The following STXBP2 variants were observed in gnomAD, a reference collection of about 807,000 sequenced individuals.
STXBP2 encodes the protein syntaxin-binding protein 2.
Under a neutral mutation model 72.2 loss-of-function variants are expected in STXBP2, and 47 were observed. The ratio of observed to expected loss-of-function variants is 0.65; its 90% CI spans 0.51 to 0.83. The LOEUF is 0.83. STXBP2 is among the 40% of genes least tolerant of loss of function. STXBP2 has a pLI of 0.00. For missense variants in STXBP2, 702 were observed against 807.6 expected (o/e 0.87, Z 1.58); for synonymous variants, 367 against 338.7 (o/e 1.08, Z -0.92).
chr19:7,632,766 T>A, upstream of STXBP2: 2 of 1,567,862 alleles, frequency 1.3e-6, no homozygotes. This position sits in a 1 kb window ranked among gnomAD's most constrained non-coding sequence, Gnocchi z 5.2. Flanking sequence ...GCGCTGTCCC[T>A]CCATCCGGTC....
chr19:7,630,476 C>A, the STXBP2 span: 1 of 996,120 alleles, frequency 1.0e-6, no homozygotes, highest in Non-Finnish European at 1.5e-6. Context: ...TAACGAGGCG[C>A]TTCTGGACTC....
At chr19:7,643,383 G>A in intron 13 of STXBP2, 138 bp downstream of exon 13, 2 of 897,838 alleles carry the variant, frequency 2.2e-6, no homozygotes, top group Non-Finnish European at 1.7e-6. Flanking sequence ...GGAGAGAGGT[G>A]GGACCTGGTG....
upstream of STXBP2, among the ~76,000 whole-genome samples, chr19:7,634,384 C>T (rs566812401): frequency 2.6e-5 from 4 of 152,200 alleles, no homozygotes; most frequent in African/African-American, 7.2e-5. Flanking sequence ...CACCTCTGCC[C>T]GAGCCTCCTC....
upstream of STXBP2, chr19:7,632,839 A>C (rs2031383602): frequency 5.8e-6 from 9 of 1,545,172 alleles, no homozygotes; most frequent in Non-Finnish European, 7.0e-6. The surrounding 1 kb of genome is among the most constrained non-coding windows in gnomAD (Gnocchi z 5.2). Flanking sequence ...GCCTGGGGAC[A>C]GACTCGCTCA....
chr19:7,642,451 G>A lies in STXBP2; in HGVS notation c.817G>A (p.Glu273Lys), dbSNP rs765370350. Residue 273 changes from glutamate to lysine, a missense_variant, in exon 10 of 19, where the codon GAG (glutamate) becomes AAG (lysine). By Grantham distance (56) the Glu-to-Lys change is moderately conservative. Transcript: ENST00000221283. This position sits in a 1 kb window ranked among gnomAD's most constrained non-coding sequence, Gnocchi z 6.0. ...TYRYETTGLSEAREKAVLLDE... is the reference protein window; with the variant it reads ...TYRYETTGLSKAREKAVLLDE... Reference sequence around the variant, plus strand: ...CAGGTATGAGACCACCGGGCTGAGCGAGGCGCGGGAGAAGGCCGTCTTGCT... The same window carrying A: ...CAGGTATGAGACCACCGGGCTGAGCAAGGCGCGGGAGAAGGCCGTCTTGCT... 13 of 1,613,866 alleles carry A rather than the reference G, an allele frequency of 8.1e-6. No homozygotes were observed. The highest frequency in any genetic ancestry group is 4.4e-5 in the South Asian group (4 of 91,086).
chr19:7,635,035 T>C (rs1403995699), upstream of STXBP2, among the ~76,000 whole-genome samples: 5 of 152,236 alleles, frequency 3.3e-5, no homozygotes, highest in African/African-American at 1.2e-4. Context: ...TCACTGCTAA[T>C]ATCTATACTA....
At chr19:7,629,901 A>C in the STXBP2 span, 1 of 1,489,834 alleles carries the variant, frequency 6.7e-7, no homozygotes, top group Non-Finnish European at 8.9e-7. Context: ...TGGGCAGGGG[A>C]TCTTCCTGGA....
chr19:7,642,422 T>C lies in STXBP2; in HGVS notation c.795-7T>C, dbSNP rs1163565684. 5.6e-6 allele frequency: 9 copies of C among 1,613,760 alleles called. No homozygotes were observed. The highest frequency in any genetic ancestry group is 7.6e-6 in the Non-Finnish European group (9 of 1,179,922). ...CCTGACCCCCAGGCTCCCTCCTTCC[T>C]CCCCAGGTATGAGACCACCGGGCTG... On this transcript the variant is annotated splice_region_variant and splice_polypyrimidine_tract_variant and intron_variant, in intron 9 of 18. Transcript: ENST00000221283. The surrounding 1 kb of genome is among the most constrained non-coding windows in gnomAD (Gnocchi z 6.0).
At chr19:7,635,898 G>A (rs2031511363), upstream of STXBP2, among the ~76,000 whole-genome samples, 5 of 152,146 alleles carry the variant, frequency 3.3e-5, no homozygotes, top group South Asian at 1.0e-3. Flanking sequence ...TCCTACAGAA[G>A]TCTGGCCCCT....
intron 1 of STXBP2, among the ~76,000 whole-genome samples, chr19:7,637,393 G>C (rs530427423): frequency 6.6e-6 from 1 of 152,252 alleles, no homozygotes; most frequent in South Asian, 2.1e-4. Flanking sequence ...CAAAATTGGG[G>C]GGCCGGACTC....
intron 6 of STXBP2, chr19:7,641,293 C>T (rs921737855): frequency 9.8e-6 from 5 of 510,550 alleles, no homozygotes; most frequent in Non-Finnish European, 1.4e-5. Context: ...TCGCTTGAGC[C>T]CGGGAGGTCG....
In STXBP2 at chr19:7,642,128, C is replaced by T. The variant is rs375337142; in HGVS notation, c.663+10C>T. On this transcript the variant is annotated intron_variant, in intron 8 of 18. Transcript: ENST00000221283. The surrounding 1 kb of genome is among the most constrained non-coding windows in gnomAD (Gnocchi z 6.0). ...TCCCAGTCTGGGCGAGGTGAGGGGG[C>T]GTGCTTGGGAGGTGAGGGGCAGCCC... 6.8e-6 allele frequency: 11 copies of T among 1,613,900 alleles called. No individual in the cohort carries two copies. Among genetic ancestry groups the T allele is most frequent in the African/African-American group, 2.7e-5 (2 of 74,882 alleles).
upstream of STXBP2, chr19:7,632,367 C>A: frequency 6.2e-7 from 1 of 1,612,856 alleles, no homozygotes. The surrounding 1 kb of genome is among the most constrained non-coding windows in gnomAD (Gnocchi z 5.2). Context: ...CGGGTTTCTC[C>A]TCGACATCGC....
At chr19:7,645,417 G>A in intron 15 of STXBP2, 111 bp downstream of exon 15, 3 of 1,127,168 alleles carry the variant, frequency 2.7e-6, no homozygotes, top group Non-Finnish European at 2.6e-6. Context: ...TCCTGGCGTG[G>A]TGTGGTTGCT....
At position 7,642,585 on chromosome 19, in the gene STXBP2, C is replaced by T. The variant is rs1289732563; in HGVS notation, c.902+49C>T. On this transcript the variant is annotated intron_variant, in intron 10 of 18. Coordinates refer to ENST00000221283, the MANE Select transcript of STXBP2 (RefSeq NM_006949.4). This position sits in a 1 kb window ranked among gnomAD's most constrained non-coding sequence, Gnocchi z 6.0. ...CCCCCCCCCACCGCCCACTGTGGGC[C>T]TGGTAGCGGCCTTGGGATCCCTGGC... 1 of 1,596,676 alleles carries T rather than the reference C, an allele frequency of 6.3e-7. No homozygotes were observed. The highest frequency in any genetic ancestry group is 8.6e-7 in the Non-Finnish European group (1 of 1,164,556).
intron 1 of STXBP2, among the ~76,000 whole-genome samples, chr19:7,637,836 CG>C (rs1344158889): frequency 6.6e-6 from 1 of 152,210 alleles, no homozygotes; most frequent in Non-Finnish European, 1.5e-5. Flanking sequence ...CGTGGCTGGG[CG>C]GGGCCACCCC....
At position 7,639,932 on chromosome 19, in the gene STXBP2, G is replaced by A. The variant is rs1568464267; in HGVS notation, c.246+125G>A. 10 of 419,140 alleles carry A rather than the reference G, an allele frequency of 2.4e-5. 1 individual carries two copies. The East Asian group carries it at 3.0e-4, about 13-fold the overall frequency. The allele number at this position is 419,140 out of a possible 1,614,324, so 26.0% of individuals were successfully genotyped here. A position where few individuals can be genotyped will look rare whatever the true frequency, so the allele number is the denominator to read the frequency against. On this transcript the variant is annotated intron_variant, in intron 4 of 18. Coordinates refer to ENST00000221283, the MANE Select transcript of STXBP2 (RefSeq NM_006949.4). The stretch of plus-strand genomic sequence containing the variant: ...TACGTGTGCATGTGTCCATGTGTAT[G>A]TGTGTGCATGTGTGTGCATGTGTGT...
rs767844756 is a variant in STXBP2 at position 7,640,182 on chromosome 19, G to C, written c.246+375G>C. On this transcript the variant is annotated intron_variant, in intron 4 of 18. Transcript: ENST00000221283. Reference sequence around the variant, plus strand: ...TGTATGTGTGTGTGTGCGTCTGTCTGTGTGCATGTGTGTATGCGTGTGTAT... The same window carrying C: ...TGTATGTGTGTGTGTGCGTCTGTCTCTGTGCATGTGTGTATGCGTGTGTAT... 1,380 of 555,972 alleles carry C rather than the reference G, an allele frequency of 2.5e-3. 14 individuals carry two copies. Among genetic ancestry groups the C allele is most frequent in the African/African-American group, 0.021 (1,112 of 52,194 alleles). 34.4% of individuals were successfully genotyped at this position (555,972 alleles called of 1,614,324 possible).
At chr19:7,631,914 T>C (rs2031327374), upstream of STXBP2, 10 of 1,118,192 alleles carry the variant, frequency 8.9e-6, no homozygotes, top group East Asian at 5.7e-5. Flanking sequence ...TCCCACCTCA[T>C]TGTGAGCACT....
Sources: allele counts gnomAD v4.1 joint callset (sites outside exome capture counted in the v4.1 genomes callset), GRCh38; gene constraint gnomAD v4.1.1; non-coding constraint Gnocchi (gnomAD v3.1); transcripts MANE v1.5; gene names NCBI Gene and HGNC (gene_info 2026-07-23, HGNC 2026-07-21).